Variants in EHBP1 observed in about 807,000 individuals in gnomAD.
EHBP1 encodes the protein EH domain binding protein 1.
In EHBP1, 55 loss-of-function variants were observed where a neutral mutation model predicts 144.0. That is an observed-to-expected ratio of 0.38 (90% CI 0.31 to 0.48). The LOEUF (loss-of-function observed/expected upper bound fraction) is 0.48, where lower values mean the gene tolerates loss of function less well. Among genes scored for constraint, EHBP1 ranks in the 20% least tolerant of loss-of-function variants. The probability of loss-of-function intolerance (pLI) is 0.98; values close to 1 mark genes in which losing one functional copy is unlikely to be tolerated. For synonymous variants in EHBP1, 469 were observed against 472.7 expected, an observed-to-expected ratio of 0.99 and a Z score of 0.10; for missense variants, 1,200 against 1,364.2, an observed-to-expected ratio of 0.88 and a Z score of 1.90.
At chr2:62,703,139 G>A (rs1040624987), upstream of EHBP1, among the ~76,000 whole-genome samples, 10 of 151,994 alleles carry the variant, frequency 6.6e-5, no homozygotes, top group Non-Finnish European at 5.9e-5. Flanking sequence ...CCTGGGCAAC[G>A]TGGTGAAACC....
intron 3 of EHBP1, among the ~76,000 whole-genome samples, chr2:62,763,471 A>C (rs2040923046): frequency 6.6e-6 from 1 of 152,226 alleles, no homozygotes; most frequent in Non-Finnish European, 1.5e-5. Flanking sequence ...GTAAATTCTT[A>C]AGACATGGAC....
At chr2:62,955,710 G>T in intron 14 of EHBP1, 50 bp downstream of exon 14, 1 of 1,557,498 alleles carries the variant, frequency 6.4e-7, no homozygotes, top group Non-Finnish European at 8.7e-7. Context: ...TGTAATCATG[G>T]GGAGGAGGGA....
At chr2:62,973,820 C>T (rs928396476) in intron 14 of EHBP1, among the ~76,000 whole-genome samples, 7 of 152,106 alleles carry the variant, frequency 4.6e-5, no homozygotes, top group Middle Eastern at 3.4e-3. Context: ...GGCAACATGA[C>T]GAAACCCCAT....
At chr2:62,801,735 T>C (rs2044003973) in intron 5 of EHBP1, among the ~76,000 whole-genome samples, 1 of 152,236 alleles carries the variant, frequency 6.6e-6, no homozygotes, top group Non-Finnish European at 1.5e-5. Flanking sequence ...TTCATAGAGT[T>C]TGTATATTTA....
At chr2:62,796,257 A>G (rs2043529467) in intron 5 of EHBP1, among the ~76,000 whole-genome samples, 1 of 152,046 alleles carries the variant, frequency 6.6e-6, no homozygotes, top group South Asian at 2.1e-4. Context: ...AAATATGCAT[A>G]AAACTGTGTG....
chr2:62,917,000 G>T (rs1338631385), intron 10 of EHBP1, among the ~76,000 whole-genome samples: 1 of 151,898 alleles, frequency 6.6e-6, no homozygotes, highest in African/African-American at 2.4e-5. Flanking sequence ...TAATGATTGG[G>T]ATACATTCTG....
At chr2:62,769,706 T>G (rs1387005861) in intron 4 of EHBP1, among the ~76,000 whole-genome samples, 1 of 147,804 alleles carries the variant, frequency 6.8e-6, no homozygotes, top group Non-Finnish European at 1.5e-5. Context: ...AAGGCAATCC[T>G]AAGCCAAAAG....
chr2:62,738,673 TTC>T (rs758021567), intron 2 of EHBP1, among the ~76,000 whole-genome samples: 6 of 152,198 alleles, frequency 3.9e-5, no homozygotes, highest in Non-Finnish European at 8.8e-5. Context: ...TTTCCTGTAT[TTC>T]TCTCTTTTAA....
At chr2:62,957,641 C>CTTTTTTTTCTTTTTT (rs2057770450) in intron 14 of EHBP1, among the ~76,000 whole-genome samples, 1 of 87,174 alleles carries the variant, frequency 1.1e-5, no homozygotes, top group African/African-American at 5.1e-5. Flanking sequence ...AAAATAAATG[C>CTTTTTTTTCTTTTTT]TTTTTTTTTT....
Position 62,826,129 on chromosome 2 carries a change from A to G in EHBP1, c.355A>G (p.Ile119Val), listed in dbSNP as rs2046329588. Residue 119 changes from isoleucine to valine, a missense_variant, in exon 6 of 23, where the codon ATC becomes GTC. By Grantham distance (29) the Ile-to-Val change is conservative. Transcript: ENST00000431489. ...GRRKALATSS[I>V]NMKQYASPMP... ...AAGGAAAGCTCTTGCTACTAGCAGCATCAATATGAAACAGTATGCAAGCCC... is the reference window on the plus strand; with the variant it reads ...AAGGAAAGCTCTTGCTACTAGCAGCGTCAATATGAAACAGTATGCAAGCCC... 3 of 1,551,014 alleles carry G rather than the reference A, an allele frequency of 1.9e-6. No homozygotes were observed. Among genetic ancestry groups the G allele is most frequent in the South Asian group, 1.3e-5 (1 of 79,230 alleles).
At chr2:62,743,029 A>T (rs963427753) in intron 2 of EHBP1, among the ~76,000 whole-genome samples, 1 of 152,126 alleles carries the variant, frequency 6.6e-6, no homozygotes, top group East Asian at 1.9e-4. Flanking sequence ...ATGTAATTTT[A>T]CTTCCCAGTA....
intron 19 of EHBP1, among the ~76,000 whole-genome samples, chr2:63,006,393 C>T (rs1215959105): frequency 6.6e-6 from 1 of 151,960 alleles, no homozygotes; most frequent in Non-Finnish European, 1.5e-5. Flanking sequence ...GGCAGCTACA[C>T]TGAGTTAACA....
At chr2:62,779,610 C>T (rs1205029685) in intron 5 of EHBP1, among the ~76,000 whole-genome samples, 2 of 152,124 alleles carry the variant, frequency 1.3e-5, no homozygotes, top group Admixed American at 6.5e-5. Context: ...CTCTTTTAGG[C>T]CATTCTTTTG....
At chr2:62,952,585 A>G (rs954684185) in intron 13 of EHBP1, among the ~76,000 whole-genome samples, 2 of 152,202 alleles carry the variant, frequency 1.3e-5, no homozygotes, top group Non-Finnish European at 2.9e-5. Context: ...GATGACAGTT[A>G]TATATCTTAC....
intron 14 of EHBP1, among the ~76,000 whole-genome samples, chr2:62,970,652 G>T (rs1028432914): frequency 1.7e-4 from 26 of 152,016 alleles, no homozygotes; most frequent in African/African-American, 5.6e-4. Flanking sequence ...TGACATTTGC[G>T]GCAAGTGTAA....
intron 11 of EHBP1, 86 bp downstream of exon 11, chr2:62,942,982 T>C: frequency 3.9e-6 from 4 of 1,023,998 alleles, no homozygotes; most frequent in Non-Finnish European, 5.6e-6. Context: ...TAGCACATCC[T>C]GAAATAATTT....
chr2:62,697,303 TA>T, intron 1 of EHBP1, among the ~76,000 whole-genome samples: 1 of 152,350 alleles, frequency 6.6e-6, no homozygotes, highest in South Asian at 2.1e-4. Flanking sequence ...ACATAAATTG[TA>T]AACAGGACTC....
At chr2:62,793,186 A>G (rs1181663368) in intron 5 of EHBP1, among the ~76,000 whole-genome samples, 1 of 152,092 alleles carries the variant, frequency 6.6e-6, no homozygotes, top group Non-Finnish European at 1.5e-5. Context: ...AAGATGCCTT[A>G]TGCCTAGGTC....
intron 7 of EHBP1, among the ~76,000 whole-genome samples, chr2:62,836,547 C>T (rs201420024): frequency 0.018 from 2,482 of 135,212 alleles, 72 homozygotes; most frequent in South Asian, 0.14. Flanking sequence ...CTCTGAGCTA[C>T]GGGAGGACAT....
Sources: gnomAD v4.1 joint callset for allele counts (sites outside exome capture counted in the v4.1 genomes callset) on GRCh38, gnomAD v4.1.1 for gene constraint, MANE v1.5 for transcripts, NCBI Gene and HGNC (gene_info 2026-07-23, HGNC 2026-07-21) for gene names.